The following USP53 variants were observed in gnomAD, a reference collection of about 807,000 sequenced individuals.
The protein encoded by USP53 is ubiquitin specific peptidase 53, also known as ubiquitin carboxyl-terminal hydrolase 53.
USP53 carries 71 observed loss-of-function variants against 94.9 expected under a neutral mutation model. The ratio of observed to expected loss-of-function variants is 0.75; its 90% confidence interval spans 0.62 to 0.91. The LOEUF is 0.91. Ranked by LOEUF, USP53 falls within the 40% of genes least tolerant of loss-of-function variation. USP53 has a pLI of 0.00. For missense variants in USP53, 1,173 were observed against 1,281.0 expected (o/e 0.92, Z 1.29); for synonymous variants, 375 against 422.7 (o/e 0.89, Z 1.39).
chr4:119,271,043 T>G (rs746579464), intron 15 of USP53, among the ~76,000 whole-genome samples: 1 of 152,206 alleles, frequency 6.6e-6, no homozygotes, highest in South Asian at 2.1e-4. Context: ...GAGTGCTTAT[T>G]TTTTTAAAAA....
intron 3 of USP53, chr4:119,221,057 G>C (rs1744439043): frequency 6.6e-6 from 1 of 152,140 alleles, no homozygotes; most frequent in Admixed American, 6.5e-5. Context: ...TGGCTGACTT[G>C]ACTTAGTAGG....
intron 3 of USP53, among the ~76,000 whole-genome samples, chr4:119,234,409 G>A (rs1281074036): frequency 6.6e-6 from 1 of 152,066 alleles, no homozygotes; most frequent in Non-Finnish European, 1.5e-5. Context: ...AGGGAAGCAG[G>A]AATTTGAAAT....
At chr4:119,279,508 GT>G in intron 17 of USP53, among the ~76,000 whole-genome samples, 1 of 146,868 alleles carries the variant, frequency 6.8e-6, no homozygotes, top group Non-Finnish European at 1.5e-5. Flanking sequence ...CTTCAAAGCT[GT>G]CAGACAGGGA....
intron 17 of USP53, among the ~76,000 whole-genome samples, chr4:119,279,630 C>G (rs1753207182): frequency 6.6e-6 from 1 of 151,896 alleles, no homozygotes; most frequent in African/African-American, 2.4e-5. Context: ...GGGCTCCACC[C>G]AGTTCGAGCT....
chr4:119,216,998 G>C (rs537961605), intron 2 of USP53, among the ~76,000 whole-genome samples: 24 of 152,236 alleles, frequency 1.6e-4, no homozygotes, highest in African/African-American at 5.3e-4. Flanking sequence ...TTTATACATG[G>C]TTTATGATTC....
At chr4:119,241,675 G>C (rs920433233) in intron 5 of USP53, among the ~76,000 whole-genome samples, 1 of 152,210 alleles carries the variant, frequency 6.6e-6, no homozygotes, top group Admixed American at 6.5e-5. Context: ...GCAATTTAAT[G>C]ATGTTTCTTG....
chr4:119,255,250 C>T (rs1030330228), intron 7 of USP53, among the ~76,000 whole-genome samples: 18 of 152,196 alleles, frequency 1.2e-4, no homozygotes, highest in African/African-American at 4.3e-4. Context: ...AGAACCACTG[C>T]TCTCTTCAGA....
At chr4:119,268,173 CAA>C (rs10683951) in intron 13 of USP53, 93 bp from the exon 14 acceptor site, 26,053 of 847,736 alleles carry the variant, frequency 0.031, no homozygotes, top group South Asian at 0.047. Context: ...GACTCCGTCT[CAA>C]AAAAAAAAAA....
intron 3 of USP53, among the ~76,000 whole-genome samples, chr4:119,222,470 C>T (rs1561186363): frequency 6.6e-6 from 1 of 152,186 alleles, no homozygotes; most frequent in Non-Finnish European, 1.5e-5. Flanking sequence ...TTCCCAGCCT[C>T]TAGTAATTGT....
At chr4:119,267,031 T>TG (rs1751216514) in intron 12 of USP53, among the ~76,000 whole-genome samples, 1 of 152,202 alleles carries the variant, frequency 6.6e-6, no homozygotes, top group South Asian at 2.1e-4. Context: ...TGAATTGTCT[T>TG]GAAGTCTTTG....
At chr4:119,277,929 C>CT (rs893312791) in intron 17 of USP53, among the ~76,000 whole-genome samples, 1 of 130,706 alleles carries the variant, frequency 7.7e-6, no homozygotes, top group African/African-American at 2.9e-5. Flanking sequence ...CAACCCCTGC[C>CT]TTTTTTTGTT....
In USP53 at chr4:119,265,292, C is replaced by G. The variant is rs183460451; in HGVS notation, c.973-2028C>G. 4.6e-5 allele frequency among the ~76,000 whole-genome samples: 7 copies of G among 152,252 alleles called. No individual in the cohort carries two copies. In the East Asian group the frequency reaches 1.4e-3, roughly 29 times the overall value. The stretch of plus-strand genomic sequence containing the variant: ...ATTTATATTTAAAATCAGCACTTTG[C>G]TTGAATTACTTAGTACTTTGATGTA... On this transcript the variant is annotated intron_variant, in intron 12 of 18. Coordinates refer to ENST00000692078, the MANE Select transcript of USP53 (RefSeq NM_001371395.1).
intron 9 of USP53, among the ~76,000 whole-genome samples, chr4:119,257,135 T>C (rs1245485717): frequency 2.0e-5 from 3 of 152,196 alleles, no homozygotes; most frequent in African/African-American, 4.8e-5. Context: ...CAACAGGTAT[T>C]TGAAAGTATA....
chr4:119,257,781 A>G (rs181343960), intron 9 of USP53, among the ~76,000 whole-genome samples: 171 of 152,278 alleles, frequency 1.1e-3, no homozygotes, highest in African/African-American at 3.9e-3. Context: ...ACATTCCTAA[A>G]CTTCAGTCAA....
intron 7 of USP53, among the ~76,000 whole-genome samples, chr4:119,253,153 G>C (rs748570205): frequency 6.6e-6 from 1 of 151,968 alleles, no homozygotes; most frequent in Non-Finnish European, 1.5e-5. Flanking sequence ...CCAATTATGT[G>C]GTCGGTTTTA....
chr4:119,222,343 TATACA>T (rs1253835888), intron 3 of USP53, among the ~76,000 whole-genome samples: 8 of 152,350 alleles, frequency 5.3e-5, no homozygotes, highest in African/African-American at 1.4e-4. Flanking sequence ...TATTTTGAAA[TATACA>T]ATACATTACT....
At chr4:119,279,437 T>A (rs1434007357) in intron 17 of USP53, among the ~76,000 whole-genome samples, 137 of 149,984 alleles carry the variant, frequency 9.1e-4, no homozygotes, top group African/African-American at 3.2e-3. Flanking sequence ...AGGGACCCAC[T>A]TGAGGAGGCA....
intron 3 of USP53, chr4:119,221,292 G>T (rs62326356): frequency 0.089 from 13,593 of 151,916 alleles, 812 homozygotes; most frequent in Non-Finnish European, 0.13. Flanking sequence ...TAGTGGCAGG[G>T]GCACAGTGGC....
chr4:119,288,611 T>C (rs1754368287), intron 17 of USP53, among the ~76,000 whole-genome samples: 1 of 152,130 alleles, frequency 6.6e-6, no homozygotes, highest in African/African-American at 2.4e-5. Context: ...TCATGCATGA[T>C]TTTGTAACAT....
Sources: allele counts gnomAD v4.1 joint callset (sites outside exome capture counted in the v4.1 genomes callset), GRCh38; gene constraint gnomAD v4.1.1; transcripts MANE v1.5; gene names NCBI Gene and HGNC (gene_info 2026-07-23, HGNC 2026-07-21).